Variants in RABGAP1L observed in about 807,000 individuals in gnomAD.
The protein encoded by RABGAP1L is RAB GTPase activating protein 1 like.
RABGAP1L carries 63 observed loss-of-function variants against 137.7 expected under a neutral mutation model. The observed-to-expected ratio is 0.46, with a 90% CI of 0.37 to 0.56. The LOEUF (loss-of-function observed/expected upper bound fraction) is 0.56. RABGAP1L is among the 20% of genes least tolerant of loss of function. The probability of loss-of-function intolerance (pLI) is 0.00; values close to 1 mark genes in which losing one functional copy is unlikely to be tolerated. For synonymous variants in RABGAP1L, 431 were observed against 433.7 expected (o/e 0.99, Z 0.08); for missense variants, 1,095 against 1,244.0 (o/e 0.88, Z 1.80).
chr1:174,892,049 G>T (rs927855475), intron 19 of RABGAP1L, among the ~76,000 whole-genome samples: 1 of 152,222 alleles, frequency 6.6e-6, no homozygotes, highest in African/African-American at 2.4e-5. Context: ...GCCACAGTCC[G>T]GGTGGGCATG....
chr1:174,691,731 T>G (rs1345992380), intron 15 of RABGAP1L, among the ~76,000 whole-genome samples: 14 of 152,196 alleles, frequency 9.2e-5, no homozygotes. Context: ...GTATTTTTAT[T>G]GTAACTTTAG....
chr1:174,204,856 T>C (rs1354374287), intron 1 of RABGAP1L, among the ~76,000 whole-genome samples: 3 of 152,174 alleles, frequency 2.0e-5, no homozygotes, highest in Admixed American at 6.5e-5. Context: ...TGCTCCTCCA[T>C]GGTAAGATGT....
At chr1:174,519,399 A>T (rs557590785) in intron 13 of RABGAP1L, among the ~76,000 whole-genome samples, 2 of 152,116 alleles carry the variant, frequency 1.3e-5, no homozygotes, top group Non-Finnish European at 2.9e-5. Context: ...TGGGAGAAAG[A>T]TGTAGGCTGG....
chr1:174,956,870 A>G (rs1668585889), intron 19 of RABGAP1L, among the ~76,000 whole-genome samples: 1 of 151,270 alleles, frequency 6.6e-6, no homozygotes. Flanking sequence ...CTGGTCTCGA[A>G]CTCCTGACCT....
chr1:174,305,900 T>A (rs2148774204), intron 11 of RABGAP1L, among the ~76,000 whole-genome samples: 1 of 152,306 alleles, frequency 6.6e-6, no homozygotes, highest in South Asian at 2.1e-4. Flanking sequence ...TCTCTCCTAA[T>A]GCTATCCCTC....
At chr1:174,437,052 A>G (rs1653435676) in intron 13 of RABGAP1L, among the ~76,000 whole-genome samples, 1 of 152,250 alleles carries the variant, frequency 6.6e-6, no homozygotes, top group Non-Finnish European at 1.5e-5. Flanking sequence ...GGACATCCAC[A>G]CCAAAAACCC....
At chr1:174,918,732 G>A (rs1351702641) in intron 19 of RABGAP1L, among the ~76,000 whole-genome samples, 3 of 151,932 alleles carry the variant, frequency 2.0e-5, no homozygotes, top group African/African-American at 7.3e-5. Context: ...AGCCAAAATT[G>A]TGCCACTGCG....
intron 13 of RABGAP1L, among the ~76,000 whole-genome samples, chr1:174,541,164 T>G (rs1391179394): frequency 6.6e-6 from 1 of 152,332 alleles, no homozygotes; most frequent in East Asian, 1.9e-4. Flanking sequence ...TTGCTGAAGT[T>G]GCTTATCAGC....
intron 11 of RABGAP1L, among the ~76,000 whole-genome samples, chr1:174,337,718 T>C (rs1558144289): frequency 6.6e-6 from 1 of 152,162 alleles, no homozygotes; most frequent in Non-Finnish European, 1.5e-5. Context: ...ATTATTGACA[T>C]GAAAAGGTGT....
At chr1:174,313,481 C>G (rs756178083) in intron 11 of RABGAP1L, among the ~76,000 whole-genome samples, 7 of 152,144 alleles carry the variant, frequency 4.6e-5, no homozygotes, top group Non-Finnish European at 8.8e-5. Flanking sequence ...ATTGCTCTAG[C>G]TAGGACTTGC....
At chr1:174,365,890 G>T (rs1008070340) in intron 11 of RABGAP1L, among the ~76,000 whole-genome samples, 15 of 152,310 alleles carry the variant, frequency 9.8e-5, no homozygotes, top group African/African-American at 3.4e-4. Context: ...GAGTGTGGGG[G>T]TGTGATTGGT....
chr1:174,752,423 C>G lies in RABGAP1L; in HGVS notation c.2211+69C>G. ...CTTTGCCCTTGGAACTGGAATAATT[C>G]AATTTACAGTCTTTGACTCATTTCA... On this transcript the variant is annotated intron_variant, in intron 18 of 25. Coordinates refer to ENST00000681986, the MANE Select transcript of RABGAP1L (RefSeq NM_001366446.1). 4.3e-6 allele frequency: 5 copies of G among 1,152,898 alleles called. No homozygotes were observed. The South Asian group carries it at 7.2e-5, about 17-fold the overall frequency. 71.4% of individuals were successfully genotyped at this position (1,152,898 alleles called of 1,614,324 possible). A position where few individuals can be genotyped will look rare whatever the true frequency, so the allele number is the denominator to read the frequency against.
At chr1:174,762,982 T>C (rs1318166848) in intron 18 of RABGAP1L, among the ~76,000 whole-genome samples, 2 of 151,770 alleles carry the variant, frequency 1.3e-5, no homozygotes, top group Non-Finnish European at 2.9e-5. Flanking sequence ...ACCTGGCTAA[T>C]TTTTGTATTT....
intron 7 of RABGAP1L, among the ~76,000 whole-genome samples, chr1:174,269,020 A>C (rs963033510): frequency 6.6e-6 from 1 of 151,786 alleles, no homozygotes; most frequent in Non-Finnish European, 1.5e-5. Flanking sequence ...TTCGGCTCAC[A>C]CAAGCTCTGC....
chr1:174,321,247 T>C (rs1679945897), intron 11 of RABGAP1L, among the ~76,000 whole-genome samples: 1 of 152,162 alleles, frequency 6.6e-6, no homozygotes, highest in Non-Finnish European at 1.5e-5. Context: ...TCAATGACAA[T>C]GTGTGCCCAG....
Position 174,817,009 on chromosome 1 carries a change from G to A in RABGAP1L, c.2340+5049G>A, listed in dbSNP as rs528035258. On this transcript the variant is annotated intron_variant, in intron 19 of 25. Transcript: ENST00000681986. ...TTCCCAAAGTACTGGGATTACAGGC[G>A]TGAGCCACTGCACTCGGTCAGTCCT... is the stretch of plus-strand genomic sequence containing the variant. Among the ~76,000 whole-genome samples, 103 of 152,264 alleles carry A rather than the reference G, an allele frequency of 6.8e-4. 2 individuals are homozygous for A. Among genetic ancestry groups the A allele is most frequent in the South Asian group, 2.5e-3 (12 of 4,828 alleles).
At chr1:174,460,336 A>G (rs1390023419) in intron 13 of RABGAP1L, among the ~76,000 whole-genome samples, 1 of 152,230 alleles carries the variant, frequency 6.6e-6, no homozygotes, top group East Asian at 1.9e-4. Context: ...TAAAAAAGAG[A>G]CTAAATTACG....
chr1:174,786,142 T>C (rs899639811), intron 18 of RABGAP1L, among the ~76,000 whole-genome samples: 6 of 152,202 alleles, frequency 3.9e-5, no homozygotes, highest in Non-Finnish European at 7.3e-5. Flanking sequence ...CCAAAGTGAT[T>C]TCTGTGTCAT....
chr1:174,247,714 G>A (rs1242081065), intron 5 of RABGAP1L, among the ~76,000 whole-genome samples: 2 of 152,138 alleles, frequency 1.3e-5, no homozygotes, highest in Admixed American at 6.5e-5. Flanking sequence ...GGGAGGGCCA[G>A]CTTTTTCCAC....
Sources: gnomAD v4.1 joint callset for allele counts (sites outside exome capture counted in the v4.1 genomes callset) on GRCh38, gnomAD v4.1.1 for gene constraint, MANE v1.5 for transcripts, NCBI Gene and HGNC (gene_info 2026-07-23, HGNC 2026-07-21) for gene names.